SCN7A: variants seen among roughly 807,000 people sequenced by gnomAD.
SCN7A encodes sodium channel protein type 7 subunit alpha.
In SCN7A, 138 loss-of-function variants were observed where a neutral mutation model predicts 155.2. That is an observed-to-expected ratio of 0.89 (90% confidence interval 0.77 to 1.02). SCN7A has a LOEUF of 1.02. SCN7A is among the 50% of genes least tolerant of loss of function. SCN7A has a pLI of 0.00. For synonymous variants in SCN7A, 693 were observed against 649.0 expected, an observed-to-expected ratio of 1.07 and a Z score of -1.03; for missense variants, 2,058 against 1,986.6, an observed-to-expected ratio of 1.04 and a Z score of -0.68.
chr2:166,481,345 T>C (rs186544240), intron 2 of SCN7A, among the ~76,000 whole-genome samples: 238 of 152,270 alleles, frequency 1.6e-3, no homozygotes, highest in Non-Finnish European at 2.8e-3. Flanking sequence ...TGGCACATAA[T>C]ACATGGAAAA....
chr2:166,425,283 A>C (rs1243033090), intron 18 of SCN7A, among the ~76,000 whole-genome samples: 1 of 152,088 alleles, frequency 6.6e-6, no homozygotes. Flanking sequence ...CTCTTCATAC[A>C]GTGGCCTGGG....
chr2:166,413,130 A>C lies in SCN7A; in HGVS notation c.3415-9T>G. ...CATCCATTAAATGTTGCCTGTAAAA[A>C]TAAAATGCATTTAAAATTTATGCTT... On this transcript the variant is annotated splice_polypyrimidine_tract_variant and intron_variant, in intron 21 of 25. Transcript: ENST00000643258. 6 of 1,475,568 alleles carry C rather than the reference A, an allele frequency of 4.1e-6. No homozygotes were observed. Among genetic ancestry groups the C allele is most frequent in the Non-Finnish European group, 5.5e-6 (6 of 1,091,490 alleles). The allele number at this position is 1,475,568 out of a possible 1,614,324, so 91.4% of individuals were successfully genotyped here. A position where few individuals can be genotyped will look rare whatever the true frequency, so the allele number is the denominator to read the frequency against.
intron 17 of SCN7A, among the ~76,000 whole-genome samples, chr2:166,428,487 T>C (rs1055721131): frequency 6.6e-6 from 1 of 151,966 alleles, no homozygotes; most frequent in Admixed American, 6.6e-5. Context: ...ACATGGACTG[T>C]GGAGTACTTT....
At chr2:166,465,397 A>G in intron 9 of SCN7A, 65 bp downstream of exon 9, 1 of 1,082,746 alleles carries the variant, frequency 9.2e-7, no homozygotes, top group Non-Finnish European at 1.4e-6. Context: ...TAAAAGCAAT[A>G]GTCCTTCATT....
chr2:166,457,070 A>G lies in SCN7A; in HGVS notation c.1090T>C (p.Tyr364His). 1 of 1,601,660 alleles carries G rather than the reference A, an allele frequency of 6.2e-7. No individual in the cohort carries two copies. The highest frequency in any genetic ancestry group is 8.5e-7 in the Non-Finnish European group (1 of 1,173,424). The change falls in exon 11 of 26, where the codon TAT becomes CAT. Residue 364 changes from tyrosine (Y) to histidine (H), a missense_variant. Physicochemically the swap from Tyr to His is moderately conservative, Grantham distance 83. Coordinates refer to ENST00000643258, the MANE Select transcript of SCN7A (RefSeq NM_002976.4). The stretch of plus-strand genomic sequence containing the variant: ...ATCATGTAGACCTTCCCAGAAGCAT[A>G]AAGTATCTAAGGAAAGGTAGAAAGT... Reference protein sequence around the residue: ...YPEVLYHQILYASGKVYMIFF... With the variant: ...YPEVLYHQILHASGKVYMIFF...
At chr2:166,480,127 C>A (rs2105519875) in intron 2 of SCN7A, among the ~76,000 whole-genome samples, 1 of 152,200 alleles carries the variant, frequency 6.6e-6, no homozygotes, top group African/African-American at 2.4e-5. Context: ...CTACAGATAA[C>A]CAAGTTTTCT....
rs569349402 is a variant in SCN7A at position 166,441,355 on chromosome 2, T to C, written c.2157+41A>G. 7 of 1,394,866 alleles carry C rather than the reference T, an allele frequency of 5.0e-6. No homozygotes were observed. The South Asian group carries it at 9.7e-5, about 19-fold the overall frequency. The allele number at this position is 1,394,866 out of a possible 1,614,324, so 86.4% of individuals were successfully genotyped here. A position where few individuals can be genotyped will look rare whatever the true frequency, so the allele number is the denominator to read the frequency against. On this transcript the variant is annotated intron_variant, in intron 15 of 25. Coordinates refer to ENST00000643258, the MANE Select transcript of SCN7A (RefSeq NM_002976.4). ...ATCATGAAAATACCAAACTACCTTA[T>C]ACCAGTTTTCATGGAAAATGTAAAA...
At chr2:166,461,101 T>C (rs556506582) in intron 10 of SCN7A, among the ~76,000 whole-genome samples, 1 of 149,438 alleles carries the variant, frequency 6.7e-6, no homozygotes, top group South Asian at 2.1e-4. Context: ...GCTGCATGCA[T>C]GTTTGGTCTA....
chr2:166,463,054 G>T (rs1702449321), intron 9 of SCN7A, among the ~76,000 whole-genome samples: 1 of 152,096 alleles, frequency 6.6e-6, no homozygotes, highest in Non-Finnish European at 1.5e-5. Flanking sequence ...ATAACTGATG[G>T]AAAATAGTAC....
intron 3 of SCN7A, among the ~76,000 whole-genome samples, chr2:166,476,930 T>C (rs746782298): frequency 6.6e-6 from 1 of 152,036 alleles, no homozygotes; most frequent in Non-Finnish European, 1.5e-5. Flanking sequence ...AATGCAATTA[T>C]TTTTATATTT....
intron 17 of SCN7A, among the ~76,000 whole-genome samples, chr2:166,428,368 T>A (rs534277950): frequency 1.1e-4 from 17 of 152,214 alleles, no homozygotes; most frequent in African/African-American, 3.6e-4. Context: ...ATATAAATAC[T>A]TATGAGATGT....
intron 1 of SCN7A, among the ~76,000 whole-genome samples, chr2:166,492,461 A>G (rs77647697): frequency 6.6e-6 from 1 of 152,216 alleles, no homozygotes; most frequent in Non-Finnish European, 1.5e-5. Flanking sequence ...CATCCCCAGG[A>G]AACAGGACTA....
chr2:166,430,733 A>G (rs1312597816), intron 16 of SCN7A, among the ~76,000 whole-genome samples: 1 of 151,968 alleles, frequency 6.6e-6, no homozygotes, highest in Non-Finnish European at 1.5e-5. Context: ...TGTTATTTTT[A>G]TAATATGTAA....
intron 7 of SCN7A, among the ~76,000 whole-genome samples, chr2:166,468,232 AT>A (rs1326815612): frequency 6.6e-6 from 1 of 152,008 alleles, no homozygotes; most frequent in Non-Finnish European, 1.5e-5. Flanking sequence ...ATCTATCATG[AT>A]TTATAGAAAG....
At chr2:166,441,265 A>T (rs1213960313) in intron 15 of SCN7A, 131 bp downstream of exon 15, 1 of 598,344 alleles carries the variant, frequency 1.7e-6, no homozygotes, top group Admixed American at 3.3e-5. Flanking sequence ...TAATGGCCAC[A>T]TCTGGCTAGT....
intron 21 of SCN7A, among the ~76,000 whole-genome samples, chr2:166,414,031 TAAATATATTTATATATGTAAATATATAA>T (rs1267524730): frequency 1.2e-5 from 1 of 84,524 alleles, no homozygotes; most frequent in East Asian, 2.7e-4. Flanking sequence ...TAAATATATA[TAAATATATTTATATATGTAAATATATAA>T]AAATATATTA....
At chr2:166,419,575 C>T (rs545048857) in intron 20 of SCN7A, among the ~76,000 whole-genome samples, 47 of 152,024 alleles carry the variant, frequency 3.1e-4, no homozygotes, top group Middle Eastern at 3.4e-3. Flanking sequence ...CTGTGTTACC[C>T]GGGCTCGTCT....
intron 11 of SCN7A, among the ~76,000 whole-genome samples, chr2:166,450,813 G>T (rs1383917917): frequency 3.0e-4 from 46 of 151,938 alleles, no homozygotes; most frequent in Admixed American, 3.0e-3. Context: ...AGGATGTAAG[G>T]GTTAGATTTT....
chr2:166,454,662 C>T (rs1002853698), intron 11 of SCN7A, among the ~76,000 whole-genome samples: 5 of 152,058 alleles, frequency 3.3e-5, no homozygotes, highest in Admixed American at 1.3e-4. Context: ...GAGAGGGCTC[C>T]GGGTATGGCT....
Sources: gnomAD v4.1 joint callset for allele counts (sites outside exome capture counted in the v4.1 genomes callset) on GRCh38, gnomAD v4.1.1 for gene constraint, MANE v1.5 for transcripts, NCBI Gene and HGNC (gene_info 2026-07-23, HGNC 2026-07-21) for gene names.